Variants in WIPI2 observed in about 807,000 individuals in gnomAD.
WIPI2 encodes WD repeat domain, phosphoinositide interacting 2.
In WIPI2, 28 loss-of-function variants were observed where a neutral mutation model predicts 52.3. The ratio of observed to expected loss-of-function variants is 0.54; its 90% CI spans 0.40 to 0.73. The LOEUF is 0.73. Ranked by LOEUF, WIPI2 falls within the 30% of genes least tolerant of loss-of-function variation. The pLI, the probability that WIPI2 is intolerant of heterozygous loss-of-function variation, is 0.00. For missense variants in WIPI2, 506 were observed against 602.9 expected (o/e 0.84, Z 1.68); for synonymous variants, 268 against 245.0 (o/e 1.09, Z -0.88).
At position 5,227,952 on chromosome 7, in the gene WIPI2, G is replaced by C; in HGVS notation, c.1014-152G>C. On this transcript the variant is annotated intron_variant, in intron 10 of 12. Transcript: ENST00000288828. The surrounding 1 kb of genome is among the most constrained non-coding windows in gnomAD (Gnocchi z 8.1). ...CACGAGTGCAGCCTTGGCCGTGTGA[G>C]CCGAGGTCAGTGGGGCGCCAGACAC... The C allele has an allele frequency of 1.3e-6, 1 of 745,072 alleles. No individual in the cohort carries two copies. Among genetic ancestry groups the C allele is most frequent in the Non-Finnish European group, 2.3e-6 (1 of 430,044 alleles). 46.2% of individuals were successfully genotyped at this position (745,072 alleles called of 1,614,324 possible).
chr7:5,225,441 CT>C (rs1341074806), intron 8 of WIPI2, among the ~76,000 whole-genome samples: 2 of 152,136 alleles, frequency 1.3e-5, no homozygotes, highest in Admixed American at 6.5e-5. Context: ...GTGCCCGGCC[CT>C]TTGCTCTGTT....
chr7:5,232,493 C>A lies in WIPI2; in HGVS notation c.*1546C>A, dbSNP rs1327531458. 5.0e-6 allele frequency: 2 copies of A among 396,710 alleles called. No homozygotes were observed. The highest frequency in any genetic ancestry group is 4.1e-5 in the African/African-American group (2 of 48,656). 24.6% of individuals were successfully genotyped at this position (396,710 alleles called of 1,614,324 possible). A position where few individuals can be genotyped will look rare whatever the true frequency, so the allele number is the denominator to read the frequency against. On this transcript the variant is annotated 3_prime_UTR_variant, in exon 13 of 13. Transcript: ENST00000288828. ...CAGAGGTGCAAGTGGGCTGATTGAACTTTTCCTTCAAAACCTGCTTGTCTG... is the reference window on the plus strand; with the variant it reads ...CAGAGGTGCAAGTGGGCTGATTGAAATTTTCCTTCAAAACCTGCTTGTCTG...
intron 6 of WIPI2, 192 bp from the exon 7 acceptor site, chr7:5,217,730 C>A (rs748170083): frequency 7.4e-5 from 47 of 632,212 alleles, no homozygotes; most frequent in Non-Finnish European, 1.3e-4. Context: ...GGATAAATTG[C>A]TTTGCTTTTT....
At chr7:5,224,107 C>T (rs1015483296) in intron 8 of WIPI2, among the ~76,000 whole-genome samples, 3 of 152,258 alleles carry the variant, frequency 2.0e-5, no homozygotes, top group African/African-American at 4.8e-5. Flanking sequence ...GCAGGCCTCC[C>T]GGCACCAGCC....
chr7:5,224,081 C>T (rs1477579215), intron 8 of WIPI2, among the ~76,000 whole-genome samples: 1 of 152,268 alleles, frequency 6.6e-6, no homozygotes, highest in East Asian at 1.9e-4. Context: ...TAGCCCCAGG[C>T]CCCTGCCTTG....
intron 2 of WIPI2, 135 bp from the exon 3 acceptor site, chr7:5,199,441 T>C: frequency 1.5e-6 from 1 of 681,080 alleles, no homozygotes; most frequent in Non-Finnish European, 2.6e-6. Context: ...CAGTGTGAAA[T>C]GATTTGCTCT....
At chr7:5,203,593 TG>T (rs976649181) in intron 3 of WIPI2, among the ~76,000 whole-genome samples, 20 of 149,246 alleles carry the variant, frequency 1.3e-4, no homozygotes, top group Non-Finnish European at 2.7e-4. Flanking sequence ...ATTCCTCCAG[TG>T]GGATGGAAGT....
rs558499513 is a variant in WIPI2, at chr7:5,196,288, C to T, written c.128+3117C>T. ...CGCTTGAACCCAGGAGGTGGAGGTTCCAGTGAGCCGAGATTGTGCCATTGC... is the reference window on the plus strand; with the variant it reads ...CGCTTGAACCCAGGAGGTGGAGGTTTCAGTGAGCCGAGATTGTGCCATTGC... On this transcript the variant is annotated intron_variant, in intron 2 of 12. Transcript: ENST00000288828. 2.1e-3 allele frequency among the ~76,000 whole-genome samples: 324 copies of T among 151,548 alleles called. 1 individual carries two copies. Among genetic ancestry groups the T allele is most frequent in the Middle Eastern group, 6.9e-3 (2 of 288 alleles).
intron 8 of WIPI2, among the ~76,000 whole-genome samples, chr7:5,223,760 C>G (rs934208381): frequency 6.6e-6 from 1 of 152,112 alleles, no homozygotes; most frequent in African/African-American, 2.4e-5. Flanking sequence ...CCTGGCCCCT[C>G]GTCCCTCACA....
chr7:5,193,049 T>C, intron 1 of WIPI2, 69 bp from the exon 2 acceptor site: 1 of 1,481,882 alleles, frequency 6.7e-7, no homozygotes, highest in Non-Finnish European at 9.4e-7. Flanking sequence ...ATTCCTATCC[T>C]AAAAGTGTGC....
intron 7 of WIPI2, chr7:5,218,483 C>T (rs1782934222): frequency 6.3e-6 from 1 of 158,352 alleles, no homozygotes; most frequent in African/African-American, 2.4e-5. Context: ...CTCTGCATGA[C>T]ATTTGTCTAA....
chr7:5,228,485 G>T (rs1783557723), intron 11 of WIPI2, among the ~76,000 whole-genome samples: 1 of 152,214 alleles, frequency 6.6e-6, no homozygotes, highest in African/African-American at 2.4e-5. Context: ...AGCCGCATTT[G>T]TTCTTAGGTG....
At chr7:5,199,458 A>G in intron 2 of WIPI2, 118 bp from the exon 3 acceptor site, 1 of 788,058 alleles carries the variant, frequency 1.3e-6, no homozygotes. Flanking sequence ...CTCTGTGCTG[A>G]TTTGTGGAGG....
chr7:5,197,116 AAC>A (rs1239645427), intron 2 of WIPI2, among the ~76,000 whole-genome samples: 424 of 5,788 alleles, frequency 0.073, 72 homozygotes, highest in African/African-American at 0.11. Context: ...CGTCTCAAAA[AAC>A]AAAAAAAAAA....
At chr7:5,191,995 C>A (rs1241403875) in intron 1 of WIPI2, among the ~76,000 whole-genome samples, 6 of 152,134 alleles carry the variant, frequency 3.9e-5, no homozygotes, top group African/African-American at 1.2e-4. Flanking sequence ...GGAGCGGGGG[C>A]AGGAGTGGAA....
intron 3 of WIPI2, among the ~76,000 whole-genome samples, chr7:5,204,421 T>C (rs535491714): frequency 7.1e-4 from 108 of 152,278 alleles, no homozygotes; most frequent in African/African-American, 2.4e-3. Flanking sequence ...GAGTCAAGAT[T>C]GTGCCACTGC....
At chr7:5,206,659 G>T (rs965266468) in intron 3 of WIPI2, among the ~76,000 whole-genome samples, 2 of 152,166 alleles carry the variant, frequency 1.3e-5, no homozygotes, top group East Asian at 3.8e-4. Flanking sequence ...CTGAAAAGTG[G>T]AAAGTATTTT....
At chr7:5,228,768 G>A (rs1267161101) in intron 11 of WIPI2, among the ~76,000 whole-genome samples, 3 of 152,032 alleles carry the variant, frequency 2.0e-5, no homozygotes, top group Non-Finnish European at 2.9e-5. Flanking sequence ...TCTCACCCTC[G>A]CCCAGGCTGG....
intron 3 of WIPI2, among the ~76,000 whole-genome samples, chr7:5,204,116 G>C (rs544937850): frequency 2.0e-5 from 3 of 152,156 alleles, no homozygotes; most frequent in Non-Finnish European, 4.4e-5. Flanking sequence ...TTGTACTTCA[G>C]TTTACTGGAA....
Sources: allele counts gnomAD v4.1 joint callset (sites outside exome capture counted in the v4.1 genomes callset), GRCh38; gene constraint gnomAD v4.1.1; non-coding constraint Gnocchi (gnomAD v3.1); transcripts MANE v1.5; gene names NCBI Gene and HGNC (gene_info 2026-07-23, HGNC 2026-07-21).